Variants in DOCK2 observed in about 807,000 individuals in gnomAD.
The protein encoded by DOCK2 is dedicator of cytokinesis 2, also known as dedicator of cytokinesis protein 2.
In DOCK2, 87 loss-of-function variants were observed where a neutral mutation model predicts 248.9. The ratio of observed to expected loss-of-function variants is 0.35; its 90% CI spans 0.29 to 0.42. The LOEUF is 0.42. DOCK2 is among the 10% of genes least tolerant of loss of function. The pLI is 1.00. For missense variants in DOCK2, 1,747 were observed against 2,300.2 expected, an observed-to-expected ratio of 0.76 and a Z score of 4.92; for synonymous variants, 805 against 821.6, an observed-to-expected ratio of 0.98 and a Z score of 0.35.
intron 46 of DOCK2, among the ~76,000 whole-genome samples, chr5:170,073,503 G>A (rs1483412302): frequency 4.6e-5 from 7 of 152,036 alleles, no homozygotes; most frequent in Admixed American, 4.6e-4. Context: ...ATTGAGATTT[G>A]GATTAATTGT....
At chr5:169,976,402 G>A (rs1423953175) in intron 27 of DOCK2, among the ~76,000 whole-genome samples, 1 of 152,140 alleles carries the variant, frequency 6.6e-6, no homozygotes, top group Middle Eastern at 3.2e-3. Flanking sequence ...GACCTCATGA[G>A]ATTACTGACA....
chr5:169,639,197 C>G (rs1757013460), intron 1 of DOCK2, among the ~76,000 whole-genome samples: 1 of 152,154 alleles, frequency 6.6e-6, no homozygotes. Context: ...AAATGGGTAA[C>G]AGTTTTACCT....
At chr5:169,919,960 G>T (rs1401964004) in intron 27 of DOCK2, among the ~76,000 whole-genome samples, 2 of 152,194 alleles carry the variant, frequency 1.3e-5, no homozygotes, top group African/African-American at 4.8e-5. Flanking sequence ...ACTACACTTT[G>T]TGTTAATGAA....
At chr5:169,712,445 ACATAG>A in intron 17 of DOCK2, among the ~76,000 whole-genome samples, 1 of 152,234 alleles carries the variant, frequency 6.6e-6, no homozygotes, top group East Asian at 1.9e-4. Flanking sequence ...GTGGATGTAA[ACATAG>A]CAATGATGAG....
intron 36 of DOCK2, among the ~76,000 whole-genome samples, chr5:170,036,817 T>C (rs1015101722): frequency 6.6e-6 from 1 of 152,210 alleles, no homozygotes; most frequent in African/African-American, 2.4e-5. Flanking sequence ...TAAGAGTGAA[T>C]ACTTTGTGAT....
chr5:169,979,019 A>G (rs1329521594), intron 27 of DOCK2, among the ~76,000 whole-genome samples: 2 of 152,212 alleles, frequency 1.3e-5, no homozygotes, highest in South Asian at 2.1e-4. Flanking sequence ...GCAATTTCCC[A>G]TCCTGGCATG....
Position 170,041,925 on chromosome 5 carries a change from A to G in DOCK2, c.3757-88A>G, listed in dbSNP as rs2270897. 0.51 allele frequency: 749,305 copies of G among 1,469,002 alleles called. 193,789 individuals are homozygous for G. The highest frequency in any genetic ancestry group is 0.62 in the East Asian group (25,010 of 40,442). The allele number at this position is 1,469,002 out of a possible 1,614,324, so 91.0% of individuals were successfully genotyped here. The stretch of plus-strand genomic sequence containing the variant: ...TGGAAAGGACAGGGTGTGTGTTGGC[A>G]GGGTGGTTCCTGCCTTTAATCCTAG... On this transcript the variant is annotated intron_variant, in intron 37 of 51. Transcript: ENST00000520908.
chr5:169,922,204 A>G (rs181288008), intron 27 of DOCK2, among the ~76,000 whole-genome samples: 12 of 152,366 alleles, frequency 7.9e-5, no homozygotes, highest in Admixed American at 3.3e-4. Flanking sequence ...AAAAAATTAC[A>G]GTACAGTGTG....
Position 169,894,459 on chromosome 5 carries a change from G to T in DOCK2, c.2799+53607G>T, listed in dbSNP as rs17670285. Among the ~76,000 whole-genome samples the T allele has an allele frequency of 4.9e-4, 75 of 152,222 alleles. 1 individual carries two copies. The East Asian group carries it at 0.011, about 23-fold the overall frequency. ...TGTTGGGCCCTGGACTCTGCAGTGC[G>T]CCATCCACCCTGGTACAGCAAAGCA... On this transcript the variant is annotated intron_variant, in intron 27 of 51. Transcript: ENST00000520908.
chr5:169,799,669 G>A (rs957385345), intron 25 of DOCK2, among the ~76,000 whole-genome samples: 1 of 152,104 alleles, frequency 6.6e-6, no homozygotes, highest in Non-Finnish European at 1.5e-5. Context: ...GCAAGATATG[G>A]ACTAAATATT....
intron 25 of DOCK2, among the ~76,000 whole-genome samples, chr5:169,765,995 T>C (rs1265926643): frequency 6.6e-6 from 1 of 152,244 alleles, no homozygotes; most frequent in African/African-American, 2.4e-5. Flanking sequence ...CTATATCTTT[T>C]CTAATCAACA....
At chr5:169,895,721 T>C (rs1773557667) in intron 27 of DOCK2, among the ~76,000 whole-genome samples, 1 of 152,106 alleles carries the variant, frequency 6.6e-6, no homozygotes, top group Non-Finnish European at 1.5e-5. Flanking sequence ...GCCTTTCTCT[T>C]ACAAAGAGTT....
chr5:169,933,680 C>G (rs1459737393), intron 27 of DOCK2, among the ~76,000 whole-genome samples: 1 of 152,138 alleles, frequency 6.6e-6, no homozygotes, highest in African/African-American at 2.4e-5. Flanking sequence ...ACTGGCCGCA[C>G]TAAGAGAGTA....
intron 29 of DOCK2, among the ~76,000 whole-genome samples, chr5:169,986,178 C>T (rs996588360): frequency 1.2e-4 from 18 of 152,282 alleles, no homozygotes; most frequent in Middle Eastern, 3.4e-3. Context: ...TTCGTTCACT[C>T]TTGGGACAGG....
chr5:170,073,440 CT>C (rs1454918795), intron 46 of DOCK2, among the ~76,000 whole-genome samples: 3 of 152,102 alleles, frequency 2.0e-5, no homozygotes, highest in Non-Finnish European at 4.4e-5. Flanking sequence ...CTTTGTATTT[CT>C]CTATAAATTT....
At chr5:169,658,551 TAAA>T (rs2113209426) in intron 2 of DOCK2, among the ~76,000 whole-genome samples, 1 of 152,076 alleles carries the variant, frequency 6.6e-6, no homozygotes, top group South Asian at 2.1e-4. Context: ...GAGAGTATTT[TAAA>T]AACCATATTT....
Position 169,821,272 on chromosome 5 carries a change from C to T in DOCK2, c.2703+18066C>T, listed in dbSNP as rs140144403. On this transcript the variant is annotated intron_variant, in intron 26 of 51. Transcript: ENST00000520908. ...CAAATTCCAGAAATACAGAGAACGC[C>T]ACAAAGATACTCCTCGAGAAGAGCA... is the stretch of plus-strand genomic sequence containing the variant. Among the ~76,000 whole-genome samples the T allele has an allele frequency of 3.0e-3, 461 of 152,220 alleles. 3 individuals carry two copies. Among genetic ancestry groups the T allele is most frequent in the African/African-American group, 0.011 (444 of 41,504 alleles).
chr5:169,933,920 G>A (rs563713501), intron 27 of DOCK2, among the ~76,000 whole-genome samples: 2 of 152,288 alleles, frequency 1.3e-5, no homozygotes, highest in African/African-American at 2.4e-5. Flanking sequence ...TACTGGTGTC[G>A]CCATTAATGC....
At chr5:169,959,239 A>G (rs1474550652) in intron 27 of DOCK2, among the ~76,000 whole-genome samples, 1 of 152,076 alleles carries the variant, frequency 6.6e-6, no homozygotes, top group East Asian at 1.9e-4. Flanking sequence ...AAAAATACAA[A>G]AAAAATAGCT....
Sources: gnomAD v4.1 joint callset for allele counts (sites outside exome capture counted in the v4.1 genomes callset) on GRCh38, gnomAD v4.1.1 for gene constraint, MANE v1.5 for transcripts, NCBI Gene and HGNC (gene_info 2026-07-23, HGNC 2026-07-21) for gene names.